NTNG1: variants seen among roughly 807,000 people sequenced by gnomAD.
NTNG1 encodes netrin-G1.
Under a neutral mutation model 54.0 loss-of-function variants are expected in NTNG1, and 16 were observed. The observed-to-expected ratio is 0.30, with a 90% CI of 0.20 to 0.45. The LOEUF (loss-of-function observed/expected upper bound fraction) is 0.45, where lower values mean the gene tolerates loss of function less well. Among genes scored for constraint, NTNG1 ranks in the 20% least tolerant of loss-of-function variants. The pLI, the probability that NTNG1 is intolerant of heterozygous loss-of-function variation, is 1.00. For missense variants in NTNG1, 530 were observed against 678.7 expected, an observed-to-expected ratio of 0.78 and a Z score of 2.43; for synonymous variants, 255 against 263.1, an observed-to-expected ratio of 0.97 and a Z score of 0.30.
intron 3 of NTNG1, among the ~76,000 whole-genome samples, chr1:107,375,847 T>A (rs755579578): frequency 3.9e-5 from 6 of 152,314 alleles, no homozygotes; most frequent in Non-Finnish European, 8.8e-5. Flanking sequence ...ATTCACACTT[T>A]TTTGCTCTTT....
At chr1:107,419,410 G>GAAAAAGA (rs150143080) in intron 5 of NTNG1, among the ~76,000 whole-genome samples, 67,560 of 149,704 alleles carry the variant, frequency 0.45, 15,796 homozygotes, top group Non-Finnish European at 0.52. Context: ...TGTCAAAGAA[G>GAAAAAGA]AAAAAGAAAA....
At chr1:107,197,932 T>C (rs1023468813) in intron 2 of NTNG1, among the ~76,000 whole-genome samples, 1 of 152,054 alleles carries the variant, frequency 6.6e-6, no homozygotes, top group Non-Finnish European at 1.5e-5. Flanking sequence ...AATGTGATTA[T>C]ACAAAAATAA....
chr1:107,166,105 G>C (rs1655773869), intron 2 of NTNG1, among the ~76,000 whole-genome samples: 1 of 152,060 alleles, frequency 6.6e-6, no homozygotes, highest in Non-Finnish European at 1.5e-5. Flanking sequence ...AATAGCAATG[G>C]GAACACAGAA....
chr1:107,438,388 G>C (rs1675743978), intron 7 of NTNG1, among the ~76,000 whole-genome samples: 1 of 152,192 alleles, frequency 6.6e-6, no homozygotes, highest in Admixed American at 6.6e-5. Flanking sequence ...CTTGCATGCT[G>C]TTGTTTTCCA....
At chr1:107,278,943 G>A (rs1219512278) in intron 2 of NTNG1, among the ~76,000 whole-genome samples, 1 of 151,982 alleles carries the variant, frequency 6.6e-6, no homozygotes, top group East Asian at 1.9e-4. Flanking sequence ...TATGTTGTTA[G>A]GATTCTTAAT....
chr1:107,147,843 C>T (rs1412326223), intron 1 of NTNG1, among the ~76,000 whole-genome samples: 1 of 152,094 alleles, frequency 6.6e-6, no homozygotes, highest in Admixed American at 6.6e-5. Context: ...CTCACGCACA[C>T]GTGTCTGTCT....
chr1:107,208,920 T>A (rs965805061), intron 2 of NTNG1, among the ~76,000 whole-genome samples: 4 of 152,128 alleles, frequency 2.6e-5, no homozygotes, highest in Non-Finnish European at 4.4e-5. Context: ...GCCACAGTAT[T>A]TATTTGTGAG....
At chr1:107,386,265 A>C (rs1671994726) in intron 3 of NTNG1, among the ~76,000 whole-genome samples, 2 of 150,384 alleles carry the variant, frequency 1.3e-5, no homozygotes, top group African/African-American at 4.9e-5. Flanking sequence ...CACCTCTTGG[A>C]TTCAAGCTAT....
At position 107,482,742 on chromosome 1, in the gene NTNG1, G is replaced by A. The variant is rs1047189972; in HGVS notation, c.*1902G>A. ...CCACTCCTTGCTGAAACAGGGAAGG[G>A]GGGAGGAATGTCTCCTGATAAATAA... is the stretch of plus-strand genomic sequence containing the variant. On this transcript the variant is annotated 3_prime_UTR_variant, in exon 8 of 8. Coordinates refer to ENST00000370068, the MANE Select transcript of NTNG1 (RefSeq NM_001113226.3). 1.3e-5 allele frequency: 2 copies of A among 152,186 alleles called. No homozygotes were observed. The highest frequency in any genetic ancestry group is 2.9e-5 in the Non-Finnish European group (2 of 68,054). 9.4% of individuals were successfully genotyped at this position (152,186 alleles called of 1,614,324 possible). A position where few individuals can be genotyped will look rare whatever the true frequency, so the allele number is the denominator to read the frequency against.
In NTNG1 at chr1:107,327,995, T is replaced by C. The variant is rs1029854425; in HGVS notation, c.887+3073T>C. On this transcript the variant is annotated intron_variant, in intron 3 of 7. Coordinates refer to ENST00000370068, the MANE Select transcript of NTNG1 (RefSeq NM_001113226.3). ...CATTTATGTTCTTTTTGGAATGTGA[T>C]ACATCTGATACCTATTTTACTAGTA... is the stretch of plus-strand genomic sequence containing the variant. 3.3e-5 allele frequency among the ~76,000 whole-genome samples: 5 copies of C among 152,270 alleles called. No individual in the cohort carries two copies. In the East Asian group the frequency reaches 9.7e-4, roughly 29 times the overall value.
intron 3 of NTNG1, among the ~76,000 whole-genome samples, chr1:107,364,728 G>C (rs761220355): frequency 8.5e-5 from 13 of 152,136 alleles, no homozygotes; most frequent in Non-Finnish European, 1.6e-4. Context: ...TAAGTGCTTT[G>C]AATGCTTATC....
At chr1:107,156,198 T>C (rs955911431) in intron 2 of NTNG1, among the ~76,000 whole-genome samples, 5 of 152,212 alleles carry the variant, frequency 3.3e-5, no homozygotes, top group Non-Finnish European at 7.4e-5. Flanking sequence ...TTTTCCTCTG[T>C]AAATTAAGAG....
chr1:107,242,445 TG>T (rs1365663655), intron 2 of NTNG1, among the ~76,000 whole-genome samples: 2 of 152,222 alleles, frequency 1.3e-5, no homozygotes, highest in African/African-American at 2.4e-5. Flanking sequence ...TAGGAATCTG[TG>T]GTAAGAGAAA....
chr1:107,383,815 G>A (rs148745279), intron 3 of NTNG1, among the ~76,000 whole-genome samples: 14 of 152,088 alleles, frequency 9.2e-5, no homozygotes, highest in African/African-American at 1.9e-4. Flanking sequence ...TGTATTTCTG[G>A]GGCTGGAATA....
At chr1:107,201,994 C>T (rs1260921260) in intron 2 of NTNG1, among the ~76,000 whole-genome samples, 1 of 151,818 alleles carries the variant, frequency 6.6e-6, no homozygotes, top group Non-Finnish European at 1.5e-5. Flanking sequence ...TAATGTTCCT[C>T]TTTATCCCTA....
Position 107,301,898 on chromosome 1 carries a change from A to G in NTNG1, c.247-22384A>G, listed in dbSNP as rs988288202. Among the ~76,000 whole-genome samples, 9 of 152,152 alleles carry G rather than the reference A, an allele frequency of 5.9e-5. 1 individual carries two copies. The highest frequency in any genetic ancestry group is 1.9e-4 in the African/African-American group (8 of 41,432). The stretch of plus-strand genomic sequence containing the variant: ...AATCTTTATGAGGGAGAGCGTCTAT[A>G]TGGCTAATACTCCTCCAAGATCTCT... On this transcript the variant is annotated intron_variant, in intron 2 of 7. Transcript: ENST00000370068.
At chr1:107,403,400 G>A (rs868591371) in intron 4 of NTNG1, among the ~76,000 whole-genome samples, 1 of 151,978 alleles carries the variant, frequency 6.6e-6, no homozygotes. Flanking sequence ...ACTAATTGCA[G>A]AAACTTCTGT....
intron 3 of NTNG1, among the ~76,000 whole-genome samples, chr1:107,352,004 T>A (rs982386412): frequency 2.0e-5 from 3 of 152,226 alleles, no homozygotes; most frequent in African/African-American, 7.2e-5. Flanking sequence ...TGACTCCATG[T>A]TTCACATCCA....
At chr1:107,428,030 G>A (rs1553245681) in intron 5 of NTNG1, among the ~76,000 whole-genome samples, 1 of 152,058 alleles carries the variant, frequency 6.6e-6, no homozygotes, top group Non-Finnish European at 1.5e-5. Flanking sequence ...CTCAGATAAA[G>A]TTTTATCAGG....
Sources: allele counts gnomAD v4.1 joint callset (sites outside exome capture counted in the v4.1 genomes callset), GRCh38; gene constraint gnomAD v4.1.1; transcripts MANE v1.5; gene names NCBI Gene and HGNC (gene_info 2026-07-23, HGNC 2026-07-21).